ZFPM2: variants seen among roughly 807,000 people sequenced by gnomAD.
The protein encoded by ZFPM2 is zinc finger protein, FOG family member 2.
A neutral mutation model predicts 98.6 loss-of-function variants in ZFPM2; 20 were observed. The observed-to-expected ratio is 0.20, with a 90% CI of 0.14 to 0.29. ZFPM2 has a LOEUF of 0.29. ZFPM2 is among the 10% of genes least tolerant of loss of function. The pLI is 1.00. For missense variants in ZFPM2, 1,310 were observed against 1,388.6 expected (o/e 0.94, Z 0.90); for synonymous variants, 518 against 502.7 (o/e 1.03, Z -0.41).
chr8:105,511,792 C>T (rs550502142), intron 3 of ZFPM2, among the ~76,000 whole-genome samples: 1 of 152,302 alleles, frequency 6.6e-6, no homozygotes, highest in South Asian at 2.1e-4. Flanking sequence ...TCAGACCAAA[C>T]CAGTAATCCG....
intron 5 of ZFPM2, among the ~76,000 whole-genome samples, chr8:105,684,123 AT>A (rs1422850614): frequency 6.6e-6 from 1 of 152,156 alleles, no homozygotes; most frequent in Non-Finnish European, 1.5e-5. Context: ...AGGGAAGTAT[AT>A]TACGGCTTCC....
chr8:105,426,048 C>T (rs1173310282), intron 2 of ZFPM2, among the ~76,000 whole-genome samples: 1 of 152,094 alleles, frequency 6.6e-6, no homozygotes, highest in Non-Finnish European at 1.5e-5. Context: ...CTTGGTTATG[C>T]CTTTAATGAC....
At chr8:105,595,856 T>C (rs766082433) in intron 4 of ZFPM2, among the ~76,000 whole-genome samples, 28 of 152,062 alleles carry the variant, frequency 1.8e-4, no homozygotes, top group Admixed American at 5.9e-4. Context: ...TTTTAATCTA[T>C]CTATTCCTCA....
intron 4 of ZFPM2, among the ~76,000 whole-genome samples, chr8:105,586,809 C>T (rs1242471770): frequency 6.8e-6 from 1 of 148,108 alleles, no homozygotes; most frequent in Non-Finnish European, 1.5e-5. Flanking sequence ...TCCTTTAGGC[C>T]ACTATATATG....
intron 3 of ZFPM2, among the ~76,000 whole-genome samples, chr8:105,452,195 C>G (rs1812497728): frequency 6.6e-6 from 1 of 152,078 alleles, no homozygotes; most frequent in Non-Finnish European, 1.5e-5. Flanking sequence ...GACCCTATAT[C>G]AAAAGTTTGA....
chr8:105,497,742 G>A (rs1481712248), intron 3 of ZFPM2, among the ~76,000 whole-genome samples: 1 of 152,132 alleles, frequency 6.6e-6, no homozygotes, highest in Non-Finnish European at 1.5e-5. Flanking sequence ...CTTAGTGGTC[G>A]ATAGGCGGTA....
At chr8:105,374,741 A>G (rs943199919) in intron 1 of ZFPM2, among the ~76,000 whole-genome samples, 7 of 152,184 alleles carry the variant, frequency 4.6e-5, no homozygotes, top group South Asian at 4.1e-4. Context: ...GTGGACAAGC[A>G]TAGGAACATA....
At chr8:105,688,955 C>T (rs1327142250) in intron 5 of ZFPM2, among the ~76,000 whole-genome samples, 1 of 152,100 alleles carries the variant, frequency 6.6e-6, no homozygotes, top group Non-Finnish European at 1.5e-5. Flanking sequence ...AAATAAATTG[C>T]CTATATGGTG....
intron 5 of ZFPM2, among the ~76,000 whole-genome samples, chr8:105,674,471 G>A (rs2130910023): frequency 6.6e-6 from 1 of 152,284 alleles, no homozygotes; most frequent in East Asian, 1.9e-4. Flanking sequence ...ATCTTTCAGA[G>A]GAGACCAAGT....
chr8:105,556,715 T>TTCCCG (rs1815001396), intron 3 of ZFPM2, among the ~76,000 whole-genome samples: 2 of 107,008 alleles, frequency 1.9e-5, no homozygotes, highest in Admixed American at 1.1e-4. Context: ...TTCCCTTCCC[T>TTCCCG]TCCCTCCCCT....
intron 1 of ZFPM2, among the ~76,000 whole-genome samples, chr8:105,342,051 A>G (rs1184588577): frequency 3.9e-5 from 6 of 152,200 alleles, no homozygotes; most frequent in Non-Finnish European, 8.8e-5. Context: ...GGATTTTGAT[A>G]CTTCTGAAGA....
At chr8:105,418,802 T>C (rs59607297) in intron 1 of ZFPM2, 142,528 of 515,766 alleles carry the variant, frequency 0.28, 23,974 homozygotes, top group African/African-American at 0.61. Flanking sequence ...CTTTACCAGA[T>C]AGTTAATTCT....
At chr8:105,400,887 G>C (rs1168246130) in intron 1 of ZFPM2, among the ~76,000 whole-genome samples, 1 of 151,878 alleles carries the variant, frequency 6.6e-6, no homozygotes, top group African/African-American at 2.4e-5. Flanking sequence ...ACCCATATTA[G>C]ACAATGCAGA....
intron 5 of ZFPM2, among the ~76,000 whole-genome samples, chr8:105,649,899 C>CT (rs1190383579): frequency 6.6e-6 from 1 of 152,142 alleles, no homozygotes; most frequent in South Asian, 2.1e-4. Flanking sequence ...GCCTCATAGA[C>CT]TGAGTTAGGG....
chr8:105,423,093 A>G (rs1811837202), intron 2 of ZFPM2, among the ~76,000 whole-genome samples: 1 of 152,180 alleles, frequency 6.6e-6, no homozygotes. Flanking sequence ...TAATATTAGT[A>G]AAGTTTCTAG....
chr8:105,362,820 G>A, intron 1 of ZFPM2, among the ~76,000 whole-genome samples: 1 of 152,098 alleles, frequency 6.6e-6, no homozygotes, highest in East Asian at 1.9e-4. Flanking sequence ...TAGAATTTTA[G>A]TGCAGAATTC....
At chr8:105,776,089 GAA>G (rs761794025) in intron 5 of ZFPM2, among the ~76,000 whole-genome samples, 3 of 139,790 alleles carry the variant, frequency 2.1e-5, no homozygotes, top group African/African-American at 5.2e-5. Flanking sequence ...TTCTTACAAG[GAA>G]AAAAAAAAAA....
chr8:105,355,001 A>G (rs1812714448), intron 1 of ZFPM2, among the ~76,000 whole-genome samples: 1 of 152,098 alleles, frequency 6.6e-6, no homozygotes, highest in Admixed American at 6.5e-5. Flanking sequence ...CAAAAAATCA[A>G]ATGTTCTAAA....
At chr8:105,384,130 A>G (rs1312717188) in intron 1 of ZFPM2, among the ~76,000 whole-genome samples, 3 of 151,904 alleles carry the variant, frequency 2.0e-5, no homozygotes, top group Admixed American at 2.0e-4. Flanking sequence ...GGACACCTTG[A>G]CTCCTCCATT....
Sources: gnomAD v4.1 joint callset for allele counts (sites outside exome capture counted in the v4.1 genomes callset) on GRCh38, gnomAD v4.1.1 for gene constraint, MANE v1.5 for transcripts, NCBI Gene and HGNC (gene_info 2026-07-23, HGNC 2026-07-21) for gene names.